Variants in RYR2 observed in about 807,000 individuals in gnomAD.
RYR2 encodes ryanodine receptor 2, also known as cardiac muscle ryanodine receptor-calcium release channel.
Under a neutral mutation model 601.1 loss-of-function variants are expected in RYR2, and 227 were observed. The observed-to-expected ratio is 0.38, with a 90% confidence interval of 0.34 to 0.42. The LOEUF (loss-of-function observed/expected upper bound fraction) is 0.42. Among genes scored for constraint, RYR2 ranks in the 10% least tolerant of loss-of-function variants. The pLI is 1.00. For synonymous variants in RYR2, 2,223 were observed against 2,175.1 expected (o/e 1.02, Z -0.61); for missense variants, 4,646 against 6,156.5 (o/e 0.75, Z 8.21).
intron 37 of RYR2, among the ~76,000 whole-genome samples, chr1:237,615,911 A>G (rs1409427512): frequency 6.6e-6 from 1 of 152,210 alleles, no homozygotes; most frequent in Non-Finnish European, 1.5e-5. Flanking sequence ...AGTTGTGCTC[A>G]GCAGTTACAA....
intron 2 of RYR2, among the ~76,000 whole-genome samples, chr1:237,279,169 G>A (rs1690597464): frequency 6.6e-6 from 1 of 152,030 alleles, no homozygotes; most frequent in African/African-American, 2.4e-5. Flanking sequence ...AAGAAAAGCG[G>A]GCTAAATAAA....
chr1:237,753,963 C>A (rs1692741474), intron 80 of RYR2, among the ~76,000 whole-genome samples: 1 of 147,216 alleles, frequency 6.8e-6, no homozygotes. Context: ...TTCCCTATGA[C>A]AGATTAAATT....
chr1:237,219,216 C>T (rs574225817), intron 1 of RYR2, among the ~76,000 whole-genome samples: 2 of 152,150 alleles, frequency 1.3e-5, no homozygotes, highest in African/African-American at 4.8e-5. Context: ...TGGGGTTTCA[C>T]CATGTTGGCC....
chr1:237,590,408 A>G (rs1042321303), intron 30 of RYR2, among the ~76,000 whole-genome samples: 2 of 152,174 alleles, frequency 1.3e-5, no homozygotes, highest in African/African-American at 4.8e-5. Context: ...GTCAGGCTGA[A>G]TCTGAATATA....
chr1:237,557,767 G>A (rs1671054287), intron 27 of RYR2, among the ~76,000 whole-genome samples: 1 of 152,074 alleles, frequency 6.6e-6, no homozygotes, highest in Non-Finnish European at 1.5e-5. Flanking sequence ...GGACAAAGGA[G>A]GCATCTGAGA....
rs760764916 is a variant in RYR2, at chr1:237,331,009, T to C, written c.273+27T>C. ...CAAGTACCCAATTTATGTAGACTTGTAGTATTTTAATGAGCTCAGCTACTA... is the reference window on the plus strand; with the variant it reads ...CAAGTACCCAATTTATGTAGACTTGCAGTATTTTAATGAGCTCAGCTACTA... On this transcript the variant is annotated intron_variant, in intron 3 of 104. Coordinates refer to ENST00000366574, the MANE Select transcript of RYR2 (RefSeq NM_001035.3). The C allele has an allele frequency of 4.5e-6, 7 of 1,560,828 alleles. No homozygotes were observed. In the East Asian group the frequency reaches 6.7e-5, roughly 15 times the overall value.
rs550534270 is a variant in RYR2, at chr1:237,643,339, G to A, written c.7234G>A (p.Gly2412Arg). ...TTCCCCTGTATAGTTGATTCATGCC[G>A]GGAAGGGAGAAGCCATCAGAATTAG... ...CAPEMHLIHA[G>R]KGEAIRIRSI... The change falls in exon 48 of 105, where the codon GGG becomes AGG. Residue 2412 changes from glycine (G) to arginine (R), a missense_variant. Around this residue, in one of 17 missense-constraint regions of RYR2, gnomAD observed 1,497 missense variants for 1,842.6 expected, o/e 0.81. Coordinates refer to ENST00000366574, the MANE Select transcript of RYR2 (RefSeq NM_001035.3). The A allele has an allele frequency of 1.1e-5, 17 of 1,613,366 alleles. No individual in the cohort carries two copies. The highest frequency in any genetic ancestry group is 8.9e-5 in the East Asian group (4 of 44,844).
intron 48 of RYR2, 45 bp downstream of exon 48, chr1:237,643,492 G>T: frequency 6.2e-7 from 1 of 1,611,672 alleles, no homozygotes; most frequent in South Asian, 1.1e-5. Context: ...GATGTTGGAT[G>T]ACATCATGTT....
rs1425272517 is a variant in RYR2 at position 237,180,644 on chromosome 1, A to ATG, written c.49-89851_49-89850dup. On this transcript the variant is annotated intron_variant, in intron 1 of 104. Transcript: ENST00000366574. The surrounding 1 kb of genome is among the most constrained non-coding windows in gnomAD (Gnocchi z 5.3). ...TATATGTATATGTGTATATATGTAT[A>ATG]TGTATATGTGTATATATGTATACAT... Among the ~76,000 whole-genome samples, 2 of 115,098 alleles carry ATG rather than the reference A, an allele frequency of 1.7e-5. No homozygotes were observed. The highest frequency in any genetic ancestry group is 2.7e-4 in the South Asian group (1 of 3,748). The allele number at this position is 115,098 out of a possible 152,430, so 75.5% of individuals were successfully genotyped here.
chr1:237,074,672 A>G (rs1174011075), intron 1 of RYR2, among the ~76,000 whole-genome samples: 1 of 152,200 alleles, frequency 6.6e-6, no homozygotes, highest in Non-Finnish European at 1.5e-5. Context: ...ATCAGGGATG[A>G]CTTATGCAAA....
intron 1 of RYR2, among the ~76,000 whole-genome samples, chr1:237,227,914 G>A (rs1483138066): frequency 2.6e-5 from 4 of 151,906 alleles, no homozygotes; most frequent in Admixed American, 2.6e-4. Flanking sequence ...TAGAAGCTTG[G>A]TGGTGTTTTT....
intron 4 of RYR2, among the ~76,000 whole-genome samples, chr1:237,360,316 C>T (rs1029901653): frequency 7.1e-4 from 108 of 152,182 alleles, no homozygotes; most frequent in Non-Finnish European, 1.3e-3. Flanking sequence ...CAATGTGTTG[C>T]TTTTGATTTA....
intron 1 of RYR2, among the ~76,000 whole-genome samples, chr1:237,058,797 G>C (rs1662486881): frequency 6.6e-6 from 1 of 151,622 alleles, no homozygotes; most frequent in South Asian, 2.1e-4. Context: ...CTGGAGAAGG[G>C]GCGGGGGGCC....
chr1:237,641,983 A>AG (rs1322919914), intron 47 of RYR2, among the ~76,000 whole-genome samples: 1 of 151,936 alleles, frequency 6.6e-6, no homozygotes, highest in African/African-American at 2.4e-5. Context: ...TATTCATTTA[A>AG]AAAAAAATCC....
chr1:237,084,666 T>C (rs1243831329), intron 1 of RYR2, among the ~76,000 whole-genome samples: 2 of 152,262 alleles, frequency 1.3e-5, no homozygotes, highest in Non-Finnish European at 2.9e-5. Context: ...CTGCATTTCC[T>C]TGGTGCCTTC....
intron 79 of RYR2, among the ~76,000 whole-genome samples, chr1:237,737,851 A>G (rs1691282987): frequency 6.6e-6 from 1 of 152,240 alleles, no homozygotes; most frequent in Non-Finnish European, 1.5e-5. Context: ...TAAAGAAATC[A>G]AGATGTTACT....
rs2149211381 is a variant in RYR2, at chr1:237,742,309, A to G, written c.11105A>G (p.Glu3702Gly). The G allele has an allele frequency of 6.5e-7, 1 of 1,536,676 alleles. No individual in the cohort carries two copies. The highest frequency in any genetic ancestry group is 8.8e-7 in the Non-Finnish European group (1 of 1,130,102). The change falls in exon 80 of 105, where the codon GAG becomes GGG. Residue 3702 changes from glutamate to glycine, a missense_variant. By Grantham distance (98) the Glu-to-Gly change is moderately conservative. Around this residue, in one of 17 missense-constraint regions of RYR2, gnomAD observed 1,497 missense variants for 1,842.6 expected, o/e 0.81. Coordinates refer to ENST00000366574, the MANE Select transcript of RYR2 (RefSeq NM_001035.3). ...ADIMAKSCHD[E>G]EDDDGEEEVK... is the part of the protein sequence containing the mutation. ...TTAAATATACAGAGTTGTCATGATGAGGAAGATGACGATGGTGAAGAGGAA... is the reference window on the plus strand; with the variant it reads ...TTAAATATACAGAGTTGTCATGATGGGGAAGATGACGATGGTGAAGAGGAA...
rs184628010 is a variant in RYR2 at position 237,295,801 on chromosome 1, T to C, written c.168+25185T>C. On this transcript the variant is annotated intron_variant, in intron 2 of 104. Coordinates refer to ENST00000366574, the MANE Select transcript of RYR2 (RefSeq NM_001035.3). The stretch of plus-strand genomic sequence containing the variant: ...TTAGTGTATATTTAAAATATATTTG[T>C]TATATTCACACAGTAAACACGCTAT... Among the ~76,000 whole-genome samples, 6 of 152,322 alleles carry C rather than the reference T, an allele frequency of 3.9e-5. No homozygotes were observed. The East Asian group carries it at 1.2e-3, about 29-fold the overall frequency.
intron 71 of RYR2, among the ~76,000 whole-genome samples, chr1:237,715,221 G>A (rs777882767): frequency 2.0e-5 from 3 of 152,136 alleles, no homozygotes; most frequent in Non-Finnish European, 2.9e-5. Flanking sequence ...GGCACAGTGC[G>A]TGGCTTTGAA....
Sources: gnomAD v4.1 joint callset for allele counts (sites outside exome capture counted in the v4.1 genomes callset) on GRCh38, gnomAD v4.1.1 for gene constraint, gnomAD v4.1.1 regional missense constraint, Gnocchi (gnomAD v3.1) non-coding constraint, MANE v1.5 for transcripts, NCBI Gene and HGNC (gene_info 2026-07-23, HGNC 2026-07-21) for gene names.